The following ODR4 variants were observed in gnomAD, a reference collection of about 807,000 sequenced individuals.
The protein encoded by ODR4 is protein odr-4 homolog.
A neutral mutation model predicts 60.2 loss-of-function variants in ODR4; 47 were observed. That is an observed-to-expected ratio of 0.78 (90% CI 0.62 to 1.00). The LOEUF is 1.00. Ranked by LOEUF, ODR4 falls within the 50% of genes least tolerant of loss-of-function variation. The pLI is 0.00. For synonymous variants in ODR4, 178 were observed against 175.5 expected (o/e 1.01, Z -0.11); for missense variants, 488 against 530.8 (o/e 0.92, Z 0.79).
At chr1:186,422,078 A>T (rs1661799341), downstream of ODR4, among the ~76,000 whole-genome samples, 1 of 152,114 alleles carries the variant, frequency 6.6e-6, no homozygotes, top group Admixed American at 6.5e-5. Context: ...AGATTTTTTT[A>T]AAAACCCAAC....
intron 8 of ODR4, among the ~76,000 whole-genome samples, chr1:186,393,371 A>G (rs1478499003): frequency 6.6e-6 from 1 of 152,240 alleles, no homozygotes; most frequent in African/African-American, 2.4e-5. Context: ...TCTGATTTCC[A>G]AATTGTAAAC....
At chr1:186,386,145 G>A (rs1369488991) in intron 4 of ODR4, 62 bp downstream of exon 4, 6 of 930,564 alleles carry the variant, frequency 6.4e-6, no homozygotes, top group Non-Finnish European at 9.7e-6. Flanking sequence ...TACTGATTAT[G>A]AGTATGTGTA....
At chr1:186,393,341 G>T (rs984156808) in intron 8 of ODR4, among the ~76,000 whole-genome samples, 1 of 152,210 alleles carries the variant, frequency 6.6e-6, no homozygotes, top group Non-Finnish European at 1.5e-5. Flanking sequence ...AAACTTTACA[G>T]GAGTGTCATC....
At chr1:186,417,377 A>G (rs966367243) in intron 12 of ODR4, 167 bp from the exon 13 acceptor site, 2 of 587,406 alleles carry the variant, frequency 3.4e-6, no homozygotes, top group Non-Finnish European at 6.0e-6. Context: ...ATTCTATTAA[A>G]TTTAATTCAC....
chr1:186,389,096 G>A (rs1185657957), intron 5 of ODR4, among the ~76,000 whole-genome samples: 3 of 151,616 alleles, frequency 2.0e-5, no homozygotes, highest in African/African-American at 4.8e-5. Context: ...ACGATCCATG[G>A]ACTTCCAAAG....
intron 2 of ODR4, among the ~76,000 whole-genome samples, chr1:186,381,388 G>A (rs966389022): frequency 2.7e-5 from 4 of 150,882 alleles, no homozygotes; most frequent in African/African-American, 7.3e-5. Flanking sequence ...GTGCAGTGGC[G>A]CAATCTCGGC....
At chr1:186,399,118 T>TA in intron 11 of ODR4, 74 bp downstream of exon 11, 3 of 920,688 alleles carry the variant, frequency 3.3e-6, no homozygotes, top group Middle Eastern at 4.4e-4. Context: ...ATATAGCAGA[T>TA]ACGTCATCTT....
At chr1:186,431,851 A>G in the ODR4 span, among the ~76,000 whole-genome samples, 3 of 152,144 alleles carry the variant, frequency 2.0e-5, no homozygotes, top group Non-Finnish European at 4.4e-5. Flanking sequence ...ACAGACTTTC[A>G]TGGGGATGGT....
At chr1:186,394,544 A>G (rs1660598426) in intron 9 of ODR4, among the ~76,000 whole-genome samples, 1 of 152,326 alleles carries the variant, frequency 6.6e-6, no homozygotes, top group Non-Finnish European at 1.5e-5. Flanking sequence ...TAAAGCCACT[A>G]ATTATTCCTA....
At chr1:186,394,634 T>C (rs909163191) in intron 9 of ODR4, among the ~76,000 whole-genome samples, 3 of 152,210 alleles carry the variant, frequency 2.0e-5, no homozygotes, top group Admixed American at 6.5e-5. Context: ...AAACGCGTGT[T>C]TGTAGGAAAC....
intron 4 of ODR4, among the ~76,000 whole-genome samples, chr1:186,387,836 T>C (rs1558065915): frequency 1.3e-5 from 2 of 152,224 alleles, no homozygotes; most frequent in South Asian, 4.1e-4. Context: ...TATGCATTTT[T>C]ATAATTCTTA....
chr1:186,430,278 A>G, the ODR4 span, among the ~76,000 whole-genome samples: 1 of 152,110 alleles, frequency 6.6e-6, no homozygotes, highest in Non-Finnish European at 1.5e-5. Context: ...CATTAAATGA[A>G]GCTAGATTTT....
At position 186,383,412 on chromosome 1, in the gene ODR4, A is replaced by G. The variant is rs1271427921; in HGVS notation, c.234+256A>G. On this transcript the variant is annotated intron_variant, in intron 3 of 13. Coordinates refer to ENST00000287859, the MANE Select transcript of ODR4 (RefSeq NM_017847.6). ...TATTGAATGAATTATATATCATCAAATAAATAATGTTAGAATAAGGTAAAA... is the reference window on the plus strand; with the variant it reads ...TATTGAATGAATTATATATCATCAAGTAAATAATGTTAGAATAAGGTAAAA... Among the ~76,000 whole-genome samples the G allele has an allele frequency of 2.6e-5, 4 of 152,170 alleles. No individual in the cohort carries two copies. The East Asian group carries it at 7.7e-4, about 29-fold the overall frequency.
the ODR4 span, among the ~76,000 whole-genome samples, chr1:186,429,169 T>C: frequency 1.3e-5 from 2 of 151,984 alleles, no homozygotes; most frequent in African/African-American, 4.8e-5. Flanking sequence ...GAAGACCACC[T>C]AAGCCTGGGA....
downstream of ODR4, among the ~76,000 whole-genome samples, chr1:186,423,579 C>T (rs929864442): frequency 2.6e-5 from 4 of 151,026 alleles, no homozygotes; most frequent in Admixed American, 6.6e-5. Context: ...CTCAACCTCC[C>T]GAGTAGCTGG....
chr1:186,425,171 C>A (rs773848506), downstream of ODR4, among the ~76,000 whole-genome samples: 4 of 152,036 alleles, frequency 2.6e-5, no homozygotes, highest in Non-Finnish European at 5.9e-5. Context: ...AAGCTCAAGA[C>A]CCAGAATCTC....
At chr1:186,379,399 C>T (rs1268507591) in intron 1 of ODR4, among the ~76,000 whole-genome samples, 1 of 146,978 alleles carries the variant, frequency 6.8e-6, no homozygotes, top group South Asian at 2.1e-4. Flanking sequence ...GCCGAGGTTG[C>T]GCCACTGCAC....
At chr1:186,422,004 TAAC>T (rs1003789970), downstream of ODR4, among the ~76,000 whole-genome samples, 13 of 151,488 alleles carry the variant, frequency 8.6e-5, no homozygotes, top group Middle Eastern at 3.4e-3. Flanking sequence ...AGTAAGATAA[TAAC>T]AAGTCTAATA....
At chr1:186,407,640 A>G (rs1661219850) in intron 12 of ODR4, among the ~76,000 whole-genome samples, 1 of 152,152 alleles carries the variant, frequency 6.6e-6, no homozygotes, top group Non-Finnish European at 1.5e-5. Context: ...CTATTCTTTC[A>G]GTAATATGCA....
Sources: allele counts gnomAD v4.1 joint callset (sites outside exome capture counted in the v4.1 genomes callset), GRCh38; gene constraint gnomAD v4.1.1; transcripts MANE v1.5; gene names NCBI Gene and HGNC (gene_info 2026-07-23, HGNC 2026-07-21).